Variants in CFAP299 observed in about 807,000 individuals in gnomAD.
CFAP299 encodes cilia and flagella associated protein 299, also known as cilia- and flagella-associated protein 299.
Under a neutral mutation model 27.0 loss-of-function variants are expected in CFAP299, and 21 were observed. The observed-to-expected ratio is 0.78, with a 90% CI of 0.55 to 1.12. The LOEUF (loss-of-function observed/expected upper bound fraction) is 1.12. Ranked by LOEUF, CFAP299 falls within the 50% of genes most tolerant of loss-of-function variation. The pLI is 0.00. For synonymous variants in CFAP299, 104 were observed against 98.1 expected (o/e 1.06, Z -0.36); for missense variants, 310 against 276.6 (o/e 1.12, Z -0.86).
rs555446574 is a variant in CFAP299 at position 80,861,399 on chromosome 4, C to T, written c.334-8594C>T. 2.6e-5 allele frequency among the ~76,000 whole-genome samples: 4 copies of T among 152,298 alleles called. No homozygotes were observed. The South Asian group carries it at 8.3e-4, about 32-fold the overall frequency. On this transcript the variant is annotated intron_variant, in intron 3 of 5. Coordinates refer to ENST00000358105, the MANE Select transcript of CFAP299 (RefSeq NM_152770.3). ...ATGCCTCACCCTGCTTTGGCTCGTG[C>T]ACGGTGCACTGAACCCACTGACCTG...
At chr4:80,627,427 A>G (rs7656162) in intron 3 of CFAP299, among the ~76,000 whole-genome samples, 6,913 of 152,036 alleles carry the variant, frequency 0.045, 549 homozygotes, top group African/African-American at 0.16. Context: ...TAAGACACAG[A>G]GTAAGATAAG....
chr4:80,863,211 T>C (rs1560452061), intron 3 of CFAP299, among the ~76,000 whole-genome samples: 1 of 151,942 alleles, frequency 6.6e-6, no homozygotes, highest in Non-Finnish European at 1.5e-5. Context: ...CTTTTTTTTT[T>C]TTTTTTAAGT....
chr4:80,800,576 A>C (rs1409031391), intron 3 of CFAP299, among the ~76,000 whole-genome samples: 3 of 77,224 alleles, frequency 3.9e-5, no homozygotes, highest in South Asian at 7.7e-4. Context: ...ATATTAATAT[A>C]AATATATAAT....
At chr4:80,956,623 CTT>C (rs79920239) in intron 5 of CFAP299, among the ~76,000 whole-genome samples, 8 of 141,466 alleles carry the variant, frequency 5.7e-5, no homozygotes, top group Admixed American at 1.4e-4. Flanking sequence ...CTAAGATTTT[CTT>C]TTTTTTTTTT....
chr4:80,368,675 T>C (rs1007950918), intron 2 of CFAP299, among the ~76,000 whole-genome samples: 1 of 152,208 alleles, frequency 6.6e-6, no homozygotes, highest in Non-Finnish European at 1.5e-5. Context: ...GTTTATTTTA[T>C]ATAAGAATGG....
At chr4:80,625,624 A>G (rs891863467) in intron 3 of CFAP299, among the ~76,000 whole-genome samples, 34 of 151,974 alleles carry the variant, frequency 2.2e-4, no homozygotes, top group Admixed American at 2.2e-3. Context: ...AGATCCAAAT[A>G]TATGCCACCT....
intron 3 of CFAP299, among the ~76,000 whole-genome samples, chr4:80,760,308 A>G (rs1401104828): frequency 6.6e-6 from 1 of 152,176 alleles, no homozygotes; most frequent in Non-Finnish European, 1.5e-5. Flanking sequence ...TCATTATAGG[A>G]ATTAGACATA....
intron 3 of CFAP299, among the ~76,000 whole-genome samples, chr4:80,595,373 G>A (rs1350164224): frequency 2.6e-5 from 4 of 152,084 alleles, no homozygotes; most frequent in Non-Finnish European, 5.9e-5. Context: ...TATTGTTTTA[G>A]TGTTTACATT....
At chr4:80,935,896 A>G (rs1426103500) in intron 4 of CFAP299, among the ~76,000 whole-genome samples, 1 of 152,130 alleles carries the variant, frequency 6.6e-6, no homozygotes, top group African/African-American at 2.4e-5. Flanking sequence ...AAAAGTGGGT[A>G]AAGTACATGA....
intron 3 of CFAP299, among the ~76,000 whole-genome samples, chr4:80,739,888 T>A (rs923571503): frequency 1.6e-4 from 24 of 152,208 alleles, no homozygotes; most frequent in African/African-American, 5.5e-4. Context: ...TCTGTGTATT[T>A]TAAAATATCC....
At chr4:80,891,475 T>C (rs1463073434) in intron 4 of CFAP299, among the ~76,000 whole-genome samples, 1 of 149,538 alleles carries the variant, frequency 6.7e-6, no homozygotes, top group African/African-American at 2.5e-5. Context: ...GGGACATGGA[T>C]GAAATTGGAA....
At chr4:80,778,870 T>C (rs571118096) in intron 3 of CFAP299, among the ~76,000 whole-genome samples, 1 of 152,242 alleles carries the variant, frequency 6.6e-6, no homozygotes, top group African/African-American at 2.4e-5. Flanking sequence ...GTTTTACTTG[T>C]ACTCATTTGT....
chr4:80,799,443 T>C (rs1728129021), intron 3 of CFAP299, among the ~76,000 whole-genome samples: 1 of 91,818 alleles, frequency 1.1e-5, no homozygotes, highest in Non-Finnish European at 1.9e-5. Context: ...ATATAATATT[T>C]ATAAAATATA....
intron 3 of CFAP299, among the ~76,000 whole-genome samples, chr4:80,655,155 C>A (rs1482941761): frequency 6.6e-6 from 1 of 152,102 alleles, no homozygotes; most frequent in Non-Finnish European, 1.5e-5. Context: ...AAATGACAGA[C>A]AGTCAAAACT....
chr4:80,700,313 C>G (rs753126586), intron 3 of CFAP299, among the ~76,000 whole-genome samples: 17 of 152,092 alleles, frequency 1.1e-4, no homozygotes, highest in Non-Finnish European at 2.1e-4. Context: ...ATATTTATAA[C>G]TACTTAGAAC....
rs187786705 is a variant in CFAP299 at position 80,657,446 on chromosome 4, C to T, written c.333+74263C>T. Among the ~76,000 whole-genome samples, 773 of 152,056 alleles carry T rather than the reference C, an allele frequency of 5.1e-3. 5 individuals are homozygous for T. The highest frequency in any genetic ancestry group is 0.02 in the Middle Eastern group (6 of 294). The stretch of plus-strand genomic sequence containing the variant: ...GGTCCAGTTTCAGTTTTCTGCATAT[C>T]GCTAGCCAGTTTTCTCAACACCATT... On this transcript the variant is annotated intron_variant, in intron 3 of 5. Transcript: ENST00000358105.
chr4:80,778,588 C>CT (rs1403203768), intron 3 of CFAP299, among the ~76,000 whole-genome samples: 3 of 152,044 alleles, frequency 2.0e-5, no homozygotes, highest in Non-Finnish European at 2.9e-5. Context: ...GTACAAATTA[C>CT]TTTTAAGCTC....
intron 2 of CFAP299, among the ~76,000 whole-genome samples, chr4:80,468,992 A>G (rs1729851251): frequency 6.6e-6 from 1 of 152,102 alleles, no homozygotes; most frequent in African/African-American, 2.4e-5. Context: ...AACTGGACCT[A>G]CAGAGACCTA....
chr4:80,405,102 A>T (rs541323582), intron 2 of CFAP299, among the ~76,000 whole-genome samples: 5 of 152,324 alleles, frequency 3.3e-5, no homozygotes, highest in African/African-American at 1.2e-4. Flanking sequence ...TGAAGCTTTG[A>T]ACATGGCCAG....
Sources: gnomAD v4.1 joint callset for allele counts (sites outside exome capture counted in the v4.1 genomes callset) on GRCh38, gnomAD v4.1.1 for gene constraint, MANE v1.5 for transcripts, NCBI Gene and HGNC (gene_info 2026-07-23, HGNC 2026-07-21) for gene names.